The following CFAP20DC variants were observed in gnomAD, a reference collection of about 807,000 sequenced individuals.
CFAP20DC encodes CFAP20 domain containing.
CFAP20DC carries 84 observed loss-of-function variants against 101.7 expected under a neutral mutation model. That is an observed-to-expected ratio of 0.83 (90% CI 0.69 to 0.99). The LOEUF is 0.99. CFAP20DC is among the 50% of genes least tolerant of loss of function. The pLI is 0.00. For synonymous variants in CFAP20DC, 359 were observed against 351.2 expected (o/e 1.02, Z -0.25); for missense variants, 1,007 against 970.3 (o/e 1.04, Z -0.50).
chr3:58,798,836 C>G (rs1438661736), intron 15 of CFAP20DC, among the ~76,000 whole-genome samples: 2 of 152,188 alleles, frequency 1.3e-5, no homozygotes, highest in Non-Finnish European at 2.9e-5. Flanking sequence ...AAGATTATGA[C>G]TTATTGAAGG....
At chr3:58,791,585 C>A (rs982229735) in intron 15 of CFAP20DC, among the ~76,000 whole-genome samples, 1 of 152,130 alleles carries the variant, frequency 6.6e-6, no homozygotes, top group African/African-American at 2.4e-5. Flanking sequence ...TGCTGTATTT[C>A]CAATGACAAT....
At chr3:58,817,956 A>C (rs1202209258) in intron 14 of CFAP20DC, among the ~76,000 whole-genome samples, 1 of 150,650 alleles carries the variant, frequency 6.6e-6, no homozygotes, top group Admixed American at 6.6e-5. Context: ...CAGAAACTCT[A>C]CAAGCCAGAA....
chr3:58,737,503 A>T (rs542718762), downstream of CFAP20DC, among the ~76,000 whole-genome samples: 1 of 152,222 alleles, frequency 6.6e-6, no homozygotes, highest in African/African-American at 2.4e-5. This position sits in a 1 kb window ranked among gnomAD's most constrained non-coding sequence, Gnocchi z 4.1. Flanking sequence ...GATGTTCTAC[A>T]GAAAAAGAGT....
intron 5 of CFAP20DC, among the ~76,000 whole-genome samples, chr3:58,915,647 C>T (rs1007412633): frequency 6.6e-6 from 1 of 152,098 alleles, no homozygotes; most frequent in Admixed American, 6.6e-5. Flanking sequence ...AATACAGTTA[C>T]TACTGAGGGG....
At chr3:58,751,019 ACTT>A (rs1204066925) in intron 16 of CFAP20DC, among the ~76,000 whole-genome samples, 2 of 152,144 alleles carry the variant, frequency 1.3e-5, no homozygotes, top group Admixed American at 1.3e-4. Flanking sequence ...GAATTGCTCT[ACTT>A]TTTTCCCCCA....
chr3:58,810,010 T>A (rs769445358), intron 14 of CFAP20DC, among the ~76,000 whole-genome samples: 1 of 152,090 alleles, frequency 6.6e-6, no homozygotes, highest in African/African-American at 2.4e-5. Flanking sequence ...CAGGAAGAAG[T>A]TGAATCTCTG....
intron 7 of CFAP20DC, among the ~76,000 whole-genome samples, chr3:58,870,616 C>T (rs2080093251): frequency 1.3e-5 from 2 of 150,996 alleles, no homozygotes; most frequent in Non-Finnish European, 3.0e-5. Context: ...GGGCCGGGCG[C>T]GGTGGCTCAC....
chr3:58,884,360 T>C (rs2081445769), intron 7 of CFAP20DC, among the ~76,000 whole-genome samples, 185 bp downstream of exon 7: 1 of 152,254 alleles, frequency 6.6e-6, no homozygotes, highest in Admixed American at 6.5e-5. Flanking sequence ...TATTCATTTA[T>C]GTTATCCTCC....
chr3:59,010,266 A>G (rs1192052662), intron 4 of CFAP20DC, among the ~76,000 whole-genome samples: 1 of 152,170 alleles, frequency 6.6e-6, no homozygotes, highest in Non-Finnish European at 1.5e-5. Context: ...GCAGAATGGC[A>G]GAATGAATAC....
chr3:58,919,462 G>A (rs1027707940), intron 5 of CFAP20DC, among the ~76,000 whole-genome samples: 1 of 151,984 alleles, frequency 6.6e-6, no homozygotes, highest in African/African-American at 2.4e-5. Context: ...AGTAATTTTT[G>A]GAAATTGTTT....
rs1315813696 is a variant in CFAP20DC at position 58,894,384 on chromosome 3, A to G, written c.551-9675T>C. 6.6e-6 allele frequency among the ~76,000 whole-genome samples: 1 copy of G among 152,220 alleles called. No homozygotes were observed. The highest frequency in any genetic ancestry group is 1.9e-4 in the East Asian group (1 of 5,192). ...ACAGGGGTACAGGTACCTATTCCAA[A>G]TGAGAGAAATTGGCAAAAACAAAGA... is the stretch of plus-strand genomic sequence containing the variant. On this transcript the variant is annotated intron_variant, in intron 6 of 16. Transcript: ENST00000482387. This position sits in a 1 kb window ranked among gnomAD's most constrained non-coding sequence, Gnocchi z 4.1.
In CFAP20DC at chr3:58,971,706, T is replaced by C. The variant is rs1426054026; in HGVS notation, c.279-33944A>G. On this transcript the variant is annotated intron_variant, in intron 4 of 16. Transcript: ENST00000482387. The surrounding 1 kb of genome is among the most constrained non-coding windows in gnomAD (Gnocchi z 4.1). Reference sequence around the variant, plus strand: ...AGCCATGCAATGGTATATATAGCGCTATTAAAAAGAGTGAGACAGATTTAG... The same window carrying C: ...AGCCATGCAATGGTATATATAGCGCCATTAAAAAGAGTGAGACAGATTTAG... Among the ~76,000 whole-genome samples, 1 of 152,072 alleles carries C rather than the reference T, an allele frequency of 6.6e-6. No individual in the cohort carries two copies. The highest frequency in any genetic ancestry group is 6.6e-5 in the Admixed American group (1 of 15,224).
At chr3:58,808,788 A>C (rs563255996) in intron 14 of CFAP20DC, among the ~76,000 whole-genome samples, 4 of 152,320 alleles carry the variant, frequency 2.6e-5, no homozygotes, top group African/African-American at 9.6e-5. Context: ...TAAAGAGTCA[A>C]GACCCATCAG....
chr3:58,865,477 A>G (rs2079608558), intron 11 of CFAP20DC, among the ~76,000 whole-genome samples: 1 of 152,162 alleles, frequency 6.6e-6, no homozygotes, highest in African/African-American at 2.4e-5. Flanking sequence ...CTGTAGGCAT[A>G]TGGCCAATGG....
chr3:58,848,896 A>T, intron 13 of CFAP20DC, 136 bp downstream of exon 13: 3 of 1,112,096 alleles, frequency 2.7e-6, no homozygotes, highest in Non-Finnish European at 3.7e-6. Context: ...ACTAAAACAC[A>T]TCAGAACAGG....
At chr3:58,837,127 C>T (rs1386199920) in intron 13 of CFAP20DC, among the ~76,000 whole-genome samples, 3 of 152,092 alleles carry the variant, frequency 2.0e-5, no homozygotes, top group South Asian at 2.1e-4. Context: ...CCAGTAATAC[C>T]GTTCCAAAGC....
chr3:58,959,579 T>A (rs544079527), intron 4 of CFAP20DC, among the ~76,000 whole-genome samples: 1 of 152,246 alleles, frequency 6.6e-6, no homozygotes, highest in South Asian at 2.1e-4. Context: ...TGGCCATAAA[T>A]GTAAGGATTT....
chr3:58,913,257 G>A lies in CFAP20DC; in HGVS notation c.550+451C>T, dbSNP rs1019672722. On this transcript the variant is annotated intron_variant, in intron 6 of 16. Coordinates refer to ENST00000482387, the MANE Select transcript of CFAP20DC (RefSeq NM_001394063.1). This position sits in a 1 kb window ranked among gnomAD's most constrained non-coding sequence, Gnocchi z 4.4. ...ATAGTTGCAGTAGCTACTGGCAGTG[G>A]GTGGAGGTGGCAAATGGATGGGGTT... Among the ~76,000 whole-genome samples the A allele has an allele frequency of 6.6e-6, 1 of 152,110 alleles. No individual in the cohort carries two copies. The highest frequency in any genetic ancestry group is 1.5e-5 in the Non-Finnish European group (1 of 68,020).
In CFAP20DC at chr3:58,914,006, TTA is replaced by T. The variant is rs369308976; in HGVS notation, c.394-144_394-143del. 198 of 814,998 alleles carry T rather than the reference TTA, an allele frequency of 2.4e-4. No individual in the cohort carries two copies. In the African/African-American group the frequency reaches 2.7e-3, roughly 11 times the overall value. The allele number at this position is 814,998 out of a possible 1,614,324, so 50.5% of individuals were successfully genotyped here. ...AACTAATTTTCCTCTTTAGGTAAAC[TTA>T]TCTCTGTTTTGGCTTAAAAACTGAC... On this transcript the variant is annotated intron_variant, in intron 5 of 16. Transcript: ENST00000482387. This position sits in a 1 kb window ranked among gnomAD's most constrained non-coding sequence, Gnocchi z 4.9.
Sources: allele counts gnomAD v4.1 joint callset (sites outside exome capture counted in the v4.1 genomes callset), GRCh38; gene constraint gnomAD v4.1.1; non-coding constraint Gnocchi (gnomAD v3.1); transcripts MANE v1.5; gene names NCBI Gene and HGNC (gene_info 2026-07-23, HGNC 2026-07-21).